Variants in PTPRD observed in about 807,000 individuals in gnomAD.
The protein encoded by PTPRD is protein tyrosine phosphatase receptor type D.
Under a neutral mutation model 214.5 loss-of-function variants are expected in PTPRD, and 34 were observed. That is an observed-to-expected ratio of 0.16 (90% CI 0.12 to 0.21). The LOEUF is 0.21. Among genes scored for constraint, PTPRD ranks in the 10% least tolerant of loss-of-function variants. The pLI is 1.00. For missense variants in PTPRD, 2,545 were observed against 2,398.7 expected (o/e 1.06, Z -1.27); for synonymous variants, 1,128 against 845.7 (o/e 1.33, Z -5.79).
At chr9:8,845,354 T>C (rs1414017575) in intron 11 of PTPRD, among the ~76,000 whole-genome samples, 2 of 152,212 alleles carry the variant, frequency 1.3e-5, no homozygotes, top group African/African-American at 2.4e-5. Flanking sequence ...AAATCGTACA[T>C]GTCATTTGAA....
intron 8 of PTPRD, among the ~76,000 whole-genome samples, chr9:9,567,152 C>G (rs565998019): frequency 2.6e-5 from 4 of 151,884 alleles, no homozygotes; most frequent in Non-Finnish European, 5.9e-5. Flanking sequence ...GGCATTTGAG[C>G]TGAAATTTGA....
intron 2 of PTPRD, among the ~76,000 whole-genome samples, chr9:10,345,630 T>C (rs1597644870): frequency 6.6e-6 from 1 of 152,240 alleles, no homozygotes; most frequent in Non-Finnish European, 1.5e-5. Flanking sequence ...TTCCACGGTG[T>C]ATATGTGCCA....
chr9:8,500,717 C>T (rs2136940609), intron 24 of PTPRD, 37 bp downstream of exon 24: 3 of 1,601,998 alleles, frequency 1.9e-6, no homozygotes, highest in Non-Finnish European at 2.6e-6. Context: ...AAGACTGTGT[C>T]AGAAGGGTGC....
chr9:8,740,131 C>G (rs2091543416), intron 11 of PTPRD, among the ~76,000 whole-genome samples: 1 of 152,116 alleles, frequency 6.6e-6, no homozygotes, highest in South Asian at 2.1e-4. Context: ...AAGGGAAGAT[C>G]AGTCTATGAC....
rs1405236413 is a variant in PTPRD, at chr9:9,091,562, T to C, written c.-142-72827A>G. 2.6e-5 allele frequency among the ~76,000 whole-genome samples: 4 copies of C among 152,312 alleles called. No homozygotes were observed. The East Asian group carries it at 7.7e-4, about 29-fold the overall frequency. On this transcript the variant is annotated intron_variant, in intron 10 of 45. Coordinates refer to ENST00000381196, the MANE Select transcript of PTPRD (RefSeq NM_002839.4). ...CCAGTATCAACTCTTAAAACTCCTT[T>C]TCATAGTAATAAGCCTATTCAGCAC... is the stretch of plus-strand genomic sequence containing the variant.
intron 5 of PTPRD, among the ~76,000 whole-genome samples, chr9:9,887,651 G>C (rs563192782): frequency 2.0e-5 from 3 of 152,218 alleles, no homozygotes; most frequent in East Asian, 1.9e-4. Flanking sequence ...GGTTGCATGA[G>C]GCGTAGTAGA....
intron 27 of PTPRD, among the ~76,000 whole-genome samples, chr9:8,490,485 T>C (rs72694722): frequency 0.14 from 21,302 of 152,164 alleles, 1,839 homozygotes; most frequent in Non-Finnish European, 0.2. Flanking sequence ...TTCCAAATTC[T>C]CCCTGTCACA....
intron 2 of PTPRD, among the ~76,000 whole-genome samples, chr9:10,473,274 A>G (rs537308303): frequency 6.6e-6 from 1 of 152,092 alleles, no homozygotes; most frequent in African/African-American, 2.4e-5. Flanking sequence ...AAAAAAATTC[A>G]TGTTGAAAGT....
At chr9:9,493,168 T>A (rs189884468) in intron 8 of PTPRD, among the ~76,000 whole-genome samples, 33 of 152,046 alleles carry the variant, frequency 2.2e-4, no homozygotes, top group African/African-American at 8.0e-4. Context: ...CCAATTTCAT[T>A]TACCATTCTG....
intron 2 of PTPRD, among the ~76,000 whole-genome samples, chr9:10,499,399 C>A (rs1009890239): frequency 6.6e-6 from 1 of 151,930 alleles, no homozygotes; most frequent in African/African-American, 2.4e-5. Flanking sequence ...ATATATTCAA[C>A]CTGCCACCAT....
At chr9:9,578,470 G>C (rs939582463) in intron 7 of PTPRD, among the ~76,000 whole-genome samples, 4 of 151,906 alleles carry the variant, frequency 2.6e-5, no homozygotes, top group Admixed American at 6.6e-5. Flanking sequence ...TTTGCAAGGA[G>C]TCCAAAAATT....
chr9:9,426,219 C>G (rs1180013164), intron 8 of PTPRD, among the ~76,000 whole-genome samples: 1 of 152,176 alleles, frequency 6.6e-6, no homozygotes, highest in Non-Finnish European at 1.5e-5. Flanking sequence ...TAATACTGCA[C>G]TTTTCCAACA....
chr9:8,858,398 G>A (rs1240429100), intron 11 of PTPRD: 3 of 152,462 alleles, frequency 2.0e-5, no homozygotes, highest in Admixed American at 1.3e-4. Context: ...GCAGAGTCGA[G>A]GGCCGGGAGG....
intron 2 of PTPRD, among the ~76,000 whole-genome samples, chr9:10,442,799 G>A (rs570022024): frequency 6.6e-6 from 1 of 151,340 alleles, no homozygotes; most frequent in African/African-American, 2.4e-5. Context: ...GTAGTATTAT[G>A]GTCCTATTTT....
chr9:9,766,550 T>G (rs546336541), intron 6 of PTPRD, among the ~76,000 whole-genome samples: 5 of 152,270 alleles, frequency 3.3e-5, no homozygotes, highest in African/African-American at 1.2e-4. Context: ...TTCCATTATT[T>G]AACTTGCAAG....
In PTPRD at chr9:8,944,205, C is replaced by T. The variant is rs545982248; in HGVS notation, c.-104+74492G>A. Among the ~76,000 whole-genome samples the T allele has an allele frequency of 2.0e-5, 3 of 152,190 alleles. No individual in the cohort carries two copies. The South Asian group carries it at 6.2e-4, about 32-fold the overall frequency. The stretch of plus-strand genomic sequence containing the variant: ...GTAAATCAACACTACAATGAGATAT[C>T]ATCTCACTCCAGTTAAAATGGCTTT... On this transcript the variant is annotated intron_variant, in intron 11 of 45. Transcript: ENST00000381196.
intron 8 of PTPRD, among the ~76,000 whole-genome samples, chr9:9,478,134 C>A (rs1327374428): frequency 3.6e-5 from 4 of 110,334 alleles, no homozygotes; most frequent in Admixed American, 2.0e-4. Flanking sequence ...CTTCTTTGGC[C>A]TTGTTACAGT....
At chr9:9,646,891 C>T (rs2096201315) in intron 7 of PTPRD, among the ~76,000 whole-genome samples, 1 of 152,172 alleles carries the variant, frequency 6.6e-6, no homozygotes, top group African/African-American at 2.4e-5. Flanking sequence ...TCTCTCAGAA[C>T]ACCTTGTTGT....
chr9:9,982,492 G>C (rs2095577545), intron 4 of PTPRD, among the ~76,000 whole-genome samples: 1 of 147,140 alleles, frequency 6.8e-6, no homozygotes, highest in Non-Finnish European at 1.5e-5. Context: ...GTGTGTGTGT[G>C]TGTGTGTGTG....
Sources: allele counts gnomAD v4.1 joint callset (sites outside exome capture counted in the v4.1 genomes callset), GRCh38; gene constraint gnomAD v4.1.1; transcripts MANE v1.5; gene names NCBI Gene and HGNC (gene_info 2026-07-23, HGNC 2026-07-21).